ALCAM: variants seen among roughly 807,000 people sequenced by gnomAD.
ALCAM encodes activated leukocyte cell adhesion molecule.
In ALCAM, 30 loss-of-function variants were observed where a neutral mutation model predicts 70.9. The ratio of observed to expected loss-of-function variants is 0.42; its 90% CI spans 0.32 to 0.57. The LOEUF (loss-of-function observed/expected upper bound fraction) is 0.57, where lower values mean the gene tolerates loss of function less well. Among genes scored for constraint, ALCAM ranks in the 20% least tolerant of loss-of-function variants. The pLI is 0.11. For missense variants in ALCAM, 591 were observed against 695.1 expected, an observed-to-expected ratio of 0.85 and a Z score of 1.68; for synonymous variants, 249 against 242.5, an observed-to-expected ratio of 1.03 and a Z score of -0.25.
intron 1 of ALCAM, among the ~76,000 whole-genome samples, chr3:105,378,807 AAG>A (rs1935441830): frequency 6.6e-6 from 1 of 151,926 alleles, no homozygotes. Flanking sequence ...AATAGTAAAA[AAG>A]GAGTAGGGTT....
chr3:105,462,607 A>T (rs962535221), intron 1 of ALCAM, among the ~76,000 whole-genome samples: 2 of 151,512 alleles, frequency 1.3e-5, no homozygotes, highest in African/African-American at 4.8e-5. Context: ...TAACCAATGA[A>T]TATGAGTTAA....
rs763734869 is a variant in ALCAM at position 105,524,283 on chromosome 3, T to G, written c.175-6T>G. ...TGTTTAAATGTATTATTATTTTAAT[T>G]TTTAGGAAAAGCCCGATGGCTCCCC... On this transcript the variant is annotated splice_region_variant and splice_polypyrimidine_tract_variant and intron_variant, in intron 2 of 15. Coordinates refer to ENST00000306107, the MANE Select transcript of ALCAM (RefSeq NM_001627.4). The G allele has an allele frequency of 2.4e-5, 38 of 1,606,118 alleles. No homozygotes were observed. The South Asian group carries it at 3.7e-4, about 15-fold the overall frequency.
chr3:105,542,338 T>A (rs1940136790), intron 8 of ALCAM, among the ~76,000 whole-genome samples: 1 of 151,866 alleles, frequency 6.6e-6, no homozygotes, highest in African/African-American at 2.4e-5. Flanking sequence ...AATTTGCTTT[T>A]GATCTCCAAA....
chr3:105,392,728 T>C (rs961569489), intron 1 of ALCAM, among the ~76,000 whole-genome samples: 2 of 152,008 alleles, frequency 1.3e-5, no homozygotes, highest in African/African-American at 4.8e-5. Flanking sequence ...GCTATAAATT[T>C]ACCTCTTAAC....
chr3:105,510,963 C>A (rs939285695), intron 1 of ALCAM, among the ~76,000 whole-genome samples: 1 of 151,966 alleles, frequency 6.6e-6, no homozygotes, highest in African/African-American at 2.4e-5. Context: ...ACGGGAGGCA[C>A]CTTCAGATGC....
chr3:105,515,471 A>G (rs1939357368), intron 1 of ALCAM, among the ~76,000 whole-genome samples: 1 of 152,022 alleles, frequency 6.6e-6, no homozygotes, highest in South Asian at 2.1e-4. Context: ...TTTATTGGAA[A>G]CCCAGTTTAA....
chr3:105,544,308 C>A (rs986698798), intron 8 of ALCAM, among the ~76,000 whole-genome samples: 2 of 151,606 alleles, frequency 1.3e-5, no homozygotes, highest in Non-Finnish European at 3.0e-5. Flanking sequence ...CTTCCCCTAT[C>A]AAAGTCCTTC....
chr3:105,469,589 T>G (rs2033803), intron 1 of ALCAM, among the ~76,000 whole-genome samples: 9,232 of 151,184 alleles, frequency 0.061, 397 homozygotes, highest in South Asian at 0.16. Flanking sequence ...TTTACAGGAT[T>G]TTGTCTGAGG....
chr3:105,411,880 C>T (rs1197806410), intron 1 of ALCAM, among the ~76,000 whole-genome samples: 1 of 151,748 alleles, frequency 6.6e-6, no homozygotes, highest in Non-Finnish European at 1.5e-5. Context: ...GAAGTATAAC[C>T]TAAAATTAAG....
At chr3:105,427,310 T>C (rs537505212) in intron 1 of ALCAM, among the ~76,000 whole-genome samples, 11 of 152,062 alleles carry the variant, frequency 7.2e-5, no homozygotes, top group Admixed American at 6.6e-4. Flanking sequence ...CAGTTGCCCC[T>C]ACCTCTACTG....
chr3:105,474,778 GTTTAC>G (rs1194594428), intron 1 of ALCAM, among the ~76,000 whole-genome samples: 3 of 151,500 alleles, frequency 2.0e-5, no homozygotes, highest in Non-Finnish European at 4.4e-5. Flanking sequence ...ATGTTTAATA[GTTTAC>G]TTATTATAAT....
intron 12 of ALCAM, among the ~76,000 whole-genome samples, chr3:105,551,808 G>C (rs185325289): frequency 1.3e-5 from 2 of 151,520 alleles, no homozygotes; most frequent in East Asian, 3.9e-4. Flanking sequence ...CTTCCTAGGT[G>C]CCGACTTGCT....
chr3:105,556,569 C>A (rs1262259051), intron 14 of ALCAM, among the ~76,000 whole-genome samples: 4 of 151,908 alleles, frequency 2.6e-5, no homozygotes, highest in Non-Finnish European at 2.9e-5. Context: ...CAGAGACAAT[C>A]CTAAATTGGC....
intron 1 of ALCAM, among the ~76,000 whole-genome samples, chr3:105,402,496 G>A (rs1035562979): frequency 2.6e-5 from 4 of 152,192 alleles, no homozygotes; most frequent in African/African-American, 9.7e-5. Flanking sequence ...CAAATTCTCA[G>A]CCCTGGTCAC....
chr3:105,554,497 C>G (rs1478122036), intron 14 of ALCAM, among the ~76,000 whole-genome samples: 1 of 151,990 alleles, frequency 6.6e-6, no homozygotes, highest in East Asian at 1.9e-4. Flanking sequence ...CAGAGATACC[C>G]TCACAGACAC....
intron 1 of ALCAM, among the ~76,000 whole-genome samples, chr3:105,421,871 A>G (rs144513462): frequency 0.01 from 1,587 of 151,346 alleles, 8 homozygotes; most frequent in Non-Finnish European, 0.016. Flanking sequence ...CTTTTGGGGT[A>G]CAAGTTTTCT....
At chr3:105,410,203 A>G (rs1936351637) in intron 1 of ALCAM, among the ~76,000 whole-genome samples, 1 of 151,988 alleles carries the variant, frequency 6.6e-6, no homozygotes, top group Non-Finnish European at 1.5e-5. Flanking sequence ...CCACCTGACT[A>G]CCCATACTAT....
intron 1 of ALCAM, among the ~76,000 whole-genome samples, chr3:105,474,340 GTA>G (rs1473268939): frequency 6.6e-6 from 1 of 151,646 alleles, no homozygotes; most frequent in African/African-American, 2.4e-5. Context: ...GTGTGTTTGT[GTA>G]TATGGTCTGA....
At chr3:105,547,667 A>G (rs1940285990) in intron 11 of ALCAM, 144 bp downstream of exon 11, 2 of 987,634 alleles carry the variant, frequency 2.0e-6, no homozygotes, top group Non-Finnish European at 2.9e-6. Flanking sequence ...TTTGCAGTAC[A>G]TGCTCAGAGG....
Sources: allele counts gnomAD v4.1 joint callset (sites outside exome capture counted in the v4.1 genomes callset), GRCh38; gene constraint gnomAD v4.1.1; transcripts MANE v1.5; gene names NCBI Gene and HGNC (gene_info 2026-07-23, HGNC 2026-07-21).